The following EDA variants were observed in gnomAD, a reference collection of about 807,000 sequenced individuals.
EDA encodes ectodysplasin A, also known as ectodysplasin-A.
In EDA, 2 loss-of-function variants were observed where a neutral mutation model predicts 23.6. The ratio of observed to expected loss-of-function variants is 0.08; its 90% CI spans 0.03 to 0.27. The LOEUF is 0.27. EDA is among the 10% of genes least tolerant of loss of function. The pLI is 1.00. For synonymous variants in EDA, 131 were observed against 132.0 expected, an observed-to-expected ratio of 0.99 and a Z score of 0.05; for missense variants, 229 against 324.2, an observed-to-expected ratio of 0.71 and a Z score of 2.26.
rs3077261 is a variant in EDA, at chrX:69,655,762, CTATATATATATATATA to C, written c.396+39068_396+39083del. Among the ~76,000 whole-genome samples the C allele has an allele frequency of 1.7e-4, 9 of 52,478 alleles. No homozygotes were observed. The South Asian group carries it at 0.01, about 61-fold the overall frequency. 45.6% of individuals were successfully genotyped at this position (52,478 alleles called of 115,157 possible). A position where few individuals can be genotyped will look rare whatever the true frequency, so the allele number is the denominator to read the frequency against. The stretch of plus-strand genomic sequence containing the variant: ...CCACTATTATTTACATCATTAGAAT[CTATATATATATATATA>C]TATATATATTGCACTTTGTGATTTA... On this transcript the variant is annotated intron_variant, in intron 1 of 7. Transcript: ENST00000374552.
chrX:69,922,275 A>C (rs1437075624), intron 1 of EDA, among the ~76,000 whole-genome samples: 1 of 112,260 alleles, frequency 8.9e-6, no homozygotes, highest in Non-Finnish European at 1.9e-5. Context: ...ATTTGTGTGC[A>C]GATTTTTGTG....
intron 3 of EDA, among the ~76,000 whole-genome samples, chrX:70,027,635 C>T (rs1204296452): frequency 3.6e-5 from 4 of 110,406 alleles, no homozygotes; most frequent in African/African-American, 6.6e-5. Flanking sequence ...CCAACCTGGC[C>T]GACATGGTGA....
chrX:70,035,967 G>C lies in EDA; in HGVS notation c.*358G>C. 1 of 255,599 alleles carries C rather than the reference G, an allele frequency of 3.9e-6. No homozygotes were observed. The highest frequency in any genetic ancestry group is 6.9e-6 in the Non-Finnish European group (1 of 144,090). 21.1% of individuals were successfully genotyped at this position (255,599 alleles called of 1,213,427 possible). On this transcript the variant is annotated 3_prime_UTR_variant, in exon 8 of 8. Coordinates refer to ENST00000374552, the MANE Select transcript of EDA (RefSeq NM_001399.5). ...AGGGCAGCAGGCCAGAGAAAGCAAA[G>C]GTGCACTCCAGACTCTGGGGGTGGA...
intron 1 of EDA, among the ~76,000 whole-genome samples, chrX:69,663,183 A>G (rs1265429140): frequency 8.9e-6 from 1 of 112,191 alleles, no homozygotes; most frequent in East Asian, 2.8e-4. Context: ...TGCCAAGACA[A>G]TAGGGGAAAT....
intron 1 of EDA, among the ~76,000 whole-genome samples, chrX:69,627,203 G>C (rs1428237191): frequency 1.8e-5 from 2 of 111,499 alleles, no homozygotes; most frequent in African/African-American, 6.5e-5. Context: ...ATAGGTACTT[G>C]CACTAGAGTG....
At chrX:69,910,376 TG>T in intron 1 of EDA, among the ~76,000 whole-genome samples, 1 of 23,662 alleles carries the variant, frequency 4.2e-5, no homozygotes, top group African/African-American at 1.2e-4. Context: ...AGAGAGAGAG[TG>T]TGTGTGTGTG....
rs148251729 is a variant in EDA, at chrX:69,991,528, C to T, written c.503-31690C>T. Among the ~76,000 whole-genome samples, 96 of 111,163 alleles carry T rather than the reference C, an allele frequency of 8.6e-4. No individual in the cohort carries two copies. The East Asian group carries it at 0.026, about 30-fold the overall frequency. On this transcript the variant is annotated intron_variant, in intron 2 of 7. Transcript: ENST00000374552. Reference sequence around the variant, plus strand: ...TAGAAGGTCAGGAATACTAGACCTGCGGGACAGAGAAGGTTTTCTCTTAAC... The same window carrying T: ...TAGAAGGTCAGGAATACTAGACCTGTGGGACAGAGAAGGTTTTCTCTTAAC...
chrX:69,864,052 GCTCT>G (rs939902873), intron 1 of EDA, among the ~76,000 whole-genome samples: 2 of 108,496 alleles, frequency 1.8e-5, no homozygotes, highest in Admixed American at 9.9e-5. Flanking sequence ...TAACTTAATT[GCTCT>G]CTCTCTCTCT....
chrX:69,639,970 C>T (rs191626103), intron 1 of EDA, among the ~76,000 whole-genome samples: 4 of 111,848 alleles, frequency 3.6e-5, no homozygotes, highest in East Asian at 5.6e-4. Flanking sequence ...CTCTTTTATA[C>T]GTAGATATCC....
chrX:69,918,331 A>G (rs2018376024), intron 1 of EDA, among the ~76,000 whole-genome samples: 1 of 109,029 alleles, frequency 9.2e-6, no homozygotes, highest in African/African-American at 3.3e-5. Context: ...TAATTTTTGT[A>G]TTTTCAGTAG....
chrX:69,848,174 A>G lies in EDA; in HGVS notation c.397-108853A>G, dbSNP rs1025277545. Among the ~76,000 whole-genome samples, 4 of 112,255 alleles carry G rather than the reference A, an allele frequency of 3.6e-5. No individual in the cohort carries two copies. In the Admixed American group the frequency reaches 3.8e-4, roughly 11 times the overall value. On this transcript the variant is annotated intron_variant, in intron 1 of 7. Transcript: ENST00000374552. ...AGGACATTCAAAACTTAAATATAAA[A>G]GGACATTATAACATCAAAAAGTTAA...
chrX:69,917,635 G>A (rs923194989), intron 1 of EDA, among the ~76,000 whole-genome samples: 2 of 111,376 alleles, frequency 1.8e-5, no homozygotes, highest in Non-Finnish European at 3.8e-5. Context: ...ATATACCAGA[G>A]GAAGAAAATT....
chrX:69,761,562 C>T (rs906022910), intron 1 of EDA, among the ~76,000 whole-genome samples: 1 of 111,490 alleles, frequency 9.0e-6, no homozygotes, highest in Non-Finnish European at 1.9e-5. Flanking sequence ...TCAAGAAGAC[C>T]ACCTGCTTGC....
chrX:69,776,089 G>A (rs2014773315), intron 1 of EDA, among the ~76,000 whole-genome samples: 1 of 111,686 alleles, frequency 9.0e-6, no homozygotes, highest in South Asian at 3.7e-4. Flanking sequence ...TGTATTAATG[G>A]TAGTTTCTTT....
At chrX:69,818,342 C>G (rs1314172619) in intron 1 of EDA, among the ~76,000 whole-genome samples, 1 of 111,167 alleles carries the variant, frequency 9.0e-6, no homozygotes, top group Non-Finnish European at 1.9e-5. Flanking sequence ...AACCCCAAAC[C>G]TAGCAGAAGA....
chrX:69,861,948 A>G (rs1170763484), intron 1 of EDA, among the ~76,000 whole-genome samples: 1 of 112,179 alleles, frequency 8.9e-6, no homozygotes, highest in Non-Finnish European at 1.9e-5. Flanking sequence ...GACAGCAAGT[A>G]TTAGTTATCT....
chrX:69,934,956 C>T (rs781002769), intron 1 of EDA, among the ~76,000 whole-genome samples: 1 of 111,104 alleles, frequency 9.0e-6, no homozygotes, highest in South Asian at 3.9e-4. Flanking sequence ...CATTACTACC[C>T]TTCCCAGCCT....
intron 1 of EDA, among the ~76,000 whole-genome samples, chrX:69,881,294 C>CA (rs771078266): frequency 5.5e-5 from 6 of 109,385 alleles, no homozygotes; most frequent in South Asian, 4.0e-4. Flanking sequence ...CACCACCCCC[C>CA]AAAAAAAACC....
intron 1 of EDA, among the ~76,000 whole-genome samples, chrX:69,898,955 G>A (rs1390611020): frequency 3.6e-5 from 4 of 111,930 alleles, no homozygotes; most frequent in Non-Finnish European, 7.5e-5. Context: ...AATTACCATG[G>A]CTTTCAGCAG....
Sources: gnomAD v4.1 joint callset for allele counts (sites outside exome capture counted in the v4.1 genomes callset) on GRCh38, gnomAD v4.1.1 for gene constraint, MANE v1.5 for transcripts, NCBI Gene and HGNC (gene_info 2026-07-23, HGNC 2026-07-21) for gene names.